The following NAPG variants were observed in gnomAD, a reference collection of about 807,000 sequenced individuals.
NAPG encodes the protein gamma-soluble NSF attachment protein.
NAPG carries 25 observed loss-of-function variants against 48.4 expected under a neutral mutation model. The observed-to-expected ratio is 0.52, with a 90% CI of 0.38 to 0.72. The LOEUF is 0.72. Ranked by LOEUF, NAPG falls within the 30% of genes least tolerant of loss-of-function variation. The probability of loss-of-function intolerance (pLI) is 0.00; values close to 1 mark genes in which losing one functional copy is unlikely to be tolerated. For synonymous variants in NAPG, 139 were observed against 127.2 expected, an observed-to-expected ratio of 1.09 and a Z score of -0.62; for missense variants, 359 against 372.5, an observed-to-expected ratio of 0.96 and a Z score of 0.30.
Position 10,526,177 on chromosome 18 carries a change from G to C in NAPG, c.56+19G>C. 6.2e-7 allele frequency: 1 copy of C among 1,612,832 alleles called. No individual in the cohort carries two copies. The highest frequency in any genetic ancestry group is 8.5e-7 in the Non-Finnish European group (1 of 1,179,412). On this transcript the variant is annotated intron_variant, in intron 1 of 11. Transcript: ENST00000322897. ...AGAAATAGTGAGTGAGAACCTTCCG[G>C]GGGCCTGTGTGTAGACGCCGGGTCC...
Position 10,546,533 on chromosome 18 carries a change from A to G in NAPG, c.585+129A>G, listed in dbSNP as rs561570141. The G allele has an allele frequency of 3.9e-6, 2 of 510,552 alleles. No homozygotes were observed. The highest frequency in any genetic ancestry group is 4.8e-5 in the South Asian group (2 of 41,728). The allele number at this position is 510,552 out of a possible 1,614,324, so 31.6% of individuals were successfully genotyped here. On this transcript the variant is annotated intron_variant, in intron 9 of 11. Coordinates refer to ENST00000322897, the MANE Select transcript of NAPG (RefSeq NM_003826.3). This position sits in a 1 kb window ranked among gnomAD's most constrained non-coding sequence, Gnocchi z 4.0. The stretch of plus-strand genomic sequence containing the variant: ...GTAAAATAATACTTCATGGGCCTCT[A>G]TTTTTGACCAAGATAGAGTAAGCCC...
In NAPG at chr18:10,550,359, A is replaced by C; in HGVS notation, c.*139A>C. 1 of 856,668 alleles carries C rather than the reference A, an allele frequency of 1.2e-6. No homozygotes were observed. The highest frequency in any genetic ancestry group is 1.7e-6 in the Non-Finnish European group (1 of 594,346). The allele number at this position is 856,668 out of a possible 1,614,324, so 53.1% of individuals were successfully genotyped here. A position where few individuals can be genotyped will look rare whatever the true frequency, so the allele number is the denominator to read the frequency against. On this transcript the variant is annotated 3_prime_UTR_variant, in exon 12 of 12. Coordinates refer to ENST00000322897, the MANE Select transcript of NAPG (RefSeq NM_003826.3). Reference sequence around the variant, plus strand: ...TCCTAATAAAGACTAGTTTTTAGTTACCATCTTCCCAAATCACTCATTGTA... The same window carrying C: ...TCCTAATAAAGACTAGTTTTTAGTTCCCATCTTCCCAAATCACTCATTGTA...
chr18:10,551,421 TAGAA>T lies in NAPG; in HGVS notation c.*1205_*1208del, dbSNP rs1459588623. ...CTTAGCTGAAAGGGAAGAATTGTTTTAGAAAGACAATATTTAAAACACCGCACTG... is the reference window on the plus strand; with the variant it reads ...CTTAGCTGAAAGGGAAGAATTGTTTTAGACAATATTTAAAACACCGCACTG... On this transcript the variant is annotated 3_prime_UTR_variant, in exon 12 of 12. Transcript: ENST00000322897. 2.0e-5 allele frequency: 3 copies of T among 152,260 alleles called. No individual in the cohort carries two copies. The highest frequency in any genetic ancestry group is 7.2e-5 in the African/African-American group (3 of 41,466). The allele number at this position is 152,260 out of a possible 1,614,324, so 9.4% of individuals were successfully genotyped here. A position where few individuals can be genotyped will look rare whatever the true frequency, so the allele number is the denominator to read the frequency against.
chr18:10,550,113 G>C lies in NAPG; in HGVS notation c.832G>C (p.Gly278Arg), dbSNP rs1329440364. ...KLGLSLVVPG[G>R]GIKKKSPATP... Reference sequence around the variant, plus strand: ...GGGCCTGAGTTTGGTGGTTCCAGGAGGGGGAATCAAGAAGAAATCACCTGC... The same window carrying C: ...GGGCCTGAGTTTGGTGGTTCCAGGACGGGGAATCAAGAAGAAATCACCTGC... Residue 278 changes from glycine (G) to arginine (R), a missense_variant, in exon 12 of 12, where the codon GGG (glycine) becomes CGG (arginine). Gly to Arg is a moderately radical substitution (Grantham distance 125). Transcript: ENST00000322897. 2 of 1,575,620 alleles carry C rather than the reference G, an allele frequency of 1.3e-6. No homozygotes were observed. The highest frequency in any genetic ancestry group is 1.7e-6 in the Non-Finnish European group (2 of 1,164,536).
chr18:10,548,176 A>G lies in NAPG; in HGVS notation c.586-123A>G, dbSNP rs963858359. ...TCCCGTGGAAGTTACTATAGCATTT[A>G]TAAATCTCTGTTTATACAAACAAAG... On this transcript the variant is annotated intron_variant, in intron 9 of 11. Transcript: ENST00000322897. This position sits in a 1 kb window ranked among gnomAD's most constrained non-coding sequence, Gnocchi z 4.4. The G allele has an allele frequency of 5.5e-5, 38 of 687,340 alleles. No individual in the cohort carries two copies. Among genetic ancestry groups the G allele is most frequent in the Non-Finnish European group, 7.6e-5 (30 of 394,850 alleles). The allele number at this position is 687,340 out of a possible 1,614,324, so 42.6% of individuals were successfully genotyped here.
At position 10,532,755 on chromosome 18, in the gene NAPG, G is replaced by T; in HGVS notation, c.169G>T (p.Ala57Ser). Reference sequence around the variant, plus strand: ...CAAACAGTTTGAGCAAGCAAAAGATGCCTGCCTGAGGGAAGCTGTTGCCCA... The same window carrying T: ...CAAACAGTTTGAGCAAGCAAAAGATTCCTGCCTGAGGGAAGCTGTTGCCCA... ...NAKQFEQAKD[A>S]CLREAVAHEN... Residue 57 changes from alanine to serine, a missense_variant, in exon 3 of 12, where the codon GCC becomes TCC. Coordinates refer to ENST00000322897, the MANE Select transcript of NAPG (RefSeq NM_003826.3). 6.3e-7 allele frequency: 1 copy of T among 1,593,038 alleles called. No homozygotes were observed.
At chr18:10,532,684 A>C (rs765509429) in intron 2 of NAPG, 27 bp from the exon 3 acceptor site, 4 of 1,535,858 alleles carry the variant, frequency 2.6e-6, no homozygotes, top group Non-Finnish European at 3.5e-6. Flanking sequence ...TAATGATGGA[A>C]ATAGTCAATT....
At chr18:10,540,178 T>C in intron 7 of NAPG, 124 bp downstream of exon 7, 1 of 1,061,146 alleles carries the variant, frequency 9.4e-7, no homozygotes, top group East Asian at 2.6e-5. Context: ...GCACGCTATT[T>C]CTTTTCTGTT....
chr18:10,539,725 C>G lies in NAPG; in HGVS notation c.259-37C>G, dbSNP rs776701769. On this transcript the variant is annotated intron_variant, in intron 5 of 11. Transcript: ENST00000322897. The surrounding 1 kb of genome is among the most constrained non-coding windows in gnomAD (Gnocchi z 4.7). The stretch of plus-strand genomic sequence containing the variant: ...TAACTCTGTTTTTCTTTAATTGATG[C>G]ATTTGCTGACCTGTCTACTGTATCC... 20 of 1,442,086 alleles carry G rather than the reference C, an allele frequency of 1.4e-5. No individual in the cohort carries two copies. Among genetic ancestry groups the G allele is most frequent in the Admixed American group, 1.9e-5 (1 of 53,952 alleles). 89.3% of individuals were successfully genotyped at this position (1,442,086 alleles called of 1,614,324 possible).
At chr18:10,531,734 A>G (rs2031932364) in intron 2 of NAPG, among the ~76,000 whole-genome samples, 1 of 152,254 alleles carries the variant, frequency 6.6e-6, no homozygotes, top group South Asian at 2.1e-4. Context: ...CTGTAGCAGA[A>G]GGGAACAACA....
intron 8 of NAPG, 91 bp downstream of exon 8, chr18:10,540,490 T>G (rs2032132971): frequency 3.7e-6 from 4 of 1,083,082 alleles, no homozygotes; most frequent in African/African-American, 1.6e-5. Context: ...GCTTGTTAAT[T>G]TTTTGGTATA....
At position 10,551,328 on chromosome 18, in the gene NAPG, ATTGT is replaced by A. The variant is rs2032389652; in HGVS notation, c.*1111_*1114del. 1 of 152,182 alleles carries A rather than the reference ATTGT, an allele frequency of 6.6e-6. No individual in the cohort carries two copies. The highest frequency in any genetic ancestry group is 3.4e-3 in the Middle Eastern group (1 of 294). 9.4% of individuals were successfully genotyped at this position (152,182 alleles called of 1,614,324 possible). A position where few individuals can be genotyped will look rare whatever the true frequency, so the allele number is the denominator to read the frequency against. On this transcript the variant is annotated 3_prime_UTR_variant, in exon 12 of 12. Transcript: ENST00000322897. ...CTTCCCTCCAAAACAGTTTATTTTG[ATTGT>A]TTATTTTATTTTGATTGTAACTCCG... is the stretch of plus-strand genomic sequence containing the variant.
At chr18:10,526,370 C>G (rs1041493683) in intron 1 of NAPG, 1 of 555,856 alleles carries the variant, frequency 1.8e-6, no homozygotes, top group East Asian at 3.1e-5. Flanking sequence ...CGCCGTGGGT[C>G]CACCCCGCCG....
At chr18:10,529,304 G>A (rs2031881959) in intron 1 of NAPG, among the ~76,000 whole-genome samples, 1 of 152,208 alleles carries the variant, frequency 6.6e-6, no homozygotes, top group African/African-American at 2.4e-5. Flanking sequence ...GTAGATTTGA[G>A]TAGACACACC....
chr18:10,536,083 GT>G (rs2032026391), intron 5 of NAPG, among the ~76,000 whole-genome samples: 1 of 152,086 alleles, frequency 6.6e-6, no homozygotes, highest in African/African-American at 2.4e-5. Flanking sequence ...CACAGCCTCA[GT>G]TTATATTACA....
At position 10,550,293 on chromosome 18, in the gene NAPG, G is replaced by C; in HGVS notation, c.*73G>C. On this transcript the variant is annotated 3_prime_UTR_variant, in exon 12 of 12. Coordinates refer to ENST00000322897, the MANE Select transcript of NAPG (RefSeq NM_003826.3). Reference sequence around the variant, plus strand: ...ATGCCATTTCAAGGACTTGGGAATAGATTAGGGATATCCGTACTTCATTAC... The same window carrying C: ...ATGCCATTTCAAGGACTTGGGAATACATTAGGGATATCCGTACTTCATTAC... 2 of 1,463,166 alleles carry C rather than the reference G, an allele frequency of 1.4e-6. No homozygotes were observed. Among genetic ancestry groups the C allele is most frequent in the South Asian group, 2.8e-5 (2 of 71,948 alleles). The allele number at this position is 1,463,166 out of a possible 1,614,324, so 90.6% of individuals were successfully genotyped here.
Position 10,550,159 on chromosome 18 carries a change from A to G in NAPG, c.878A>G (p.Asp293Gly), listed in dbSNP as rs376629414. ...KSPATPQAKP[D>G]GVTATAADEE... ...CCTGCAACACCACAGGCCAAGCCTG[A>G]TGGTGTCACTGCCACGGCTGCTGAT... Residue 293 changes from aspartate to glycine, a missense_variant, in exon 12 of 12, where the codon GAT becomes GGT. Asp to Gly is a moderately conservative substitution (Grantham distance 94, BLOSUM62 -1). Transcript: ENST00000322897. 153 of 1,588,054 alleles carry G rather than the reference A, an allele frequency of 9.6e-5. No individual in the cohort carries two copies. Among genetic ancestry groups the G allele is most frequent in the African/African-American group, 1.5e-4 (11 of 73,006 alleles).
intron 5 of NAPG, among the ~76,000 whole-genome samples, chr18:10,535,964 G>T (rs2032023589): frequency 1.3e-5 from 2 of 152,122 alleles, no homozygotes; most frequent in South Asian, 4.1e-4. Context: ...GATCTGCTCT[G>T]GTCTTCTTAT....
In NAPG at chr18:10,534,544, T is replaced by C. The variant is rs1416700355; in HGVS notation, c.258+48T>C. 2 of 1,568,228 alleles carry C rather than the reference T, an allele frequency of 1.3e-6. No individual in the cohort carries two copies. The highest frequency in any genetic ancestry group is 2.7e-5 in the African/African-American group (2 of 73,990). On this transcript the variant is annotated intron_variant, in intron 5 of 11. Transcript: ENST00000322897. The surrounding 1 kb of genome is among the most constrained non-coding windows in gnomAD (Gnocchi z 5.0). Reference sequence around the variant, plus strand: ...TGTTGTGTAGGTAAAATGAATTAACTACAAGGTGTTAAACAAGAATTTTTG... The same window carrying C: ...TGTTGTGTAGGTAAAATGAATTAACCACAAGGTGTTAAACAAGAATTTTTG...
Sources: allele counts gnomAD v4.1 joint callset (sites outside exome capture counted in the v4.1 genomes callset), GRCh38; gene constraint gnomAD v4.1.1; non-coding constraint Gnocchi (gnomAD v3.1); transcripts MANE v1.5; gene names NCBI Gene and HGNC (gene_info 2026-07-23, HGNC 2026-07-21).